IGF1R: variants seen among roughly 807,000 people sequenced by gnomAD.
IGF1R encodes the protein insulin like growth factor 1 receptor.
Under a neutral mutation model 144.6 loss-of-function variants are expected in IGF1R, and 44 were observed. The ratio of observed to expected loss-of-function variants is 0.30; its 90% CI spans 0.24 to 0.39. The LOEUF is 0.39. Among genes scored for constraint, IGF1R ranks in the 10% least tolerant of loss-of-function variants. The pLI is 1.00. For missense variants in IGF1R, 1,355 were observed against 1,833.7 expected (o/e 0.74, Z 4.77); for synonymous variants, 795 against 722.8 (o/e 1.10, Z -1.60).
rs1378245248 is a variant in IGF1R at position 98,935,452 on chromosome 15, G to A, written c.3297+26G>A. 1.6e-6 allele frequency: 2 copies of A among 1,281,808 alleles called. No homozygotes were observed. Among genetic ancestry groups the A allele is most frequent in the African/African-American group, 1.5e-5 (1 of 67,928 alleles). 79.4% of individuals were successfully genotyped at this position (1,281,808 alleles called of 1,614,324 possible). A position where few individuals can be genotyped will look rare whatever the true frequency, so the allele number is the denominator to read the frequency against. The stretch of plus-strand genomic sequence containing the variant: ...GTCAGTTTTCATTTCCACCGGTATT[G>A]CATGTTGCCTGGCCTGCTCTCTTTT... On this transcript the variant is annotated intron_variant, in intron 17 of 20. Coordinates refer to ENST00000650285, the MANE Select transcript of IGF1R (RefSeq NM_000875.5). The surrounding 1 kb of genome is among the most constrained non-coding windows in gnomAD (Gnocchi z 4.2).
rs553412154 is a variant in IGF1R, at chr15:98,800,536, G to A, written c.641-90789G>A. On this transcript the variant is annotated intron_variant, in intron 2 of 20. Transcript: ENST00000650285. The stretch of plus-strand genomic sequence containing the variant: ...TAAAATGTCAGGGAGTGAAAGATAC[G>A]GAGTGTGACTCAGCAGATGGGAATT... 5.9e-5 allele frequency among the ~76,000 whole-genome samples: 9 copies of A among 152,182 alleles called. No individual in the cohort carries two copies. In the East Asian group the frequency reaches 1.5e-3, roughly 26 times the overall value.
intron 2 of IGF1R, among the ~76,000 whole-genome samples, chr15:98,781,729 G>A (rs1057278142): frequency 6.6e-6 from 1 of 152,118 alleles, no homozygotes; most frequent in African/African-American, 2.4e-5. Context: ...ATTTGCATAT[G>A]CATGTCACAT....
At chr15:98,811,655 G>A (rs1360265905) in intron 2 of IGF1R, among the ~76,000 whole-genome samples, 3 of 151,862 alleles carry the variant, frequency 2.0e-5, no homozygotes, top group African/African-American at 7.3e-5. Context: ...AGCTGGGCGT[G>A]GTGGCTGACG....
At chr15:98,732,972 G>A (rs2054527208) in intron 2 of IGF1R, among the ~76,000 whole-genome samples, 1 of 152,148 alleles carries the variant, frequency 6.6e-6, no homozygotes, top group African/African-American at 2.4e-5. Flanking sequence ...GTTATAGGGA[G>A]TTAAAAGAAA....
rs1596502355 is a variant in IGF1R, at chr15:98,962,829, G to A, written c.*5387G>A. 8.6e-6 allele frequency: 2 copies of A among 233,744 alleles called. No individual in the cohort carries two copies. The highest frequency in any genetic ancestry group is 1.2e-4 in the East Asian group (2 of 16,600). 14.5% of individuals were successfully genotyped at this position (233,744 alleles called of 1,614,324 possible). On this transcript the variant is annotated 3_prime_UTR_variant, in exon 21 of 21. Coordinates refer to ENST00000650285, the MANE Select transcript of IGF1R (RefSeq NM_000875.5). ...AACCTAACATCCTACTCTGGAAACTGATCTCGGAGTTAAGGCGAATTGTTC... is the reference window on the plus strand; with the variant it reads ...AACCTAACATCCTACTCTGGAAACTAATCTCGGAGTTAAGGCGAATTGTTC...
intron 2 of IGF1R, among the ~76,000 whole-genome samples, chr15:98,825,636 C>T (rs1207671618): frequency 1.1e-4 from 16 of 152,176 alleles, no homozygotes; most frequent in Non-Finnish European, 1.5e-5. Flanking sequence ...CCCTCTCCCC[C>T]ACCCATCTGT....
chr15:98,702,736 C>T (rs997117694), intron 1 of IGF1R, among the ~76,000 whole-genome samples: 4 of 151,910 alleles, frequency 2.6e-5, no homozygotes, highest in African/African-American at 9.7e-5. Flanking sequence ...TGGAGACCAA[C>T]CTGGGCAACA....
Position 98,957,618 on chromosome 15 carries a change from TC to T in IGF1R, c.*178del, listed in dbSNP as rs1222378163. ...CTGCAGTAAAACACATTTGGGATGT[TC>T]CTTTTTTCAATATGCAAGCAGCTTT... On this transcript the variant is annotated 3_prime_UTR_variant, in exon 21 of 21. Coordinates refer to ENST00000650285, the MANE Select transcript of IGF1R (RefSeq NM_000875.5). 2 of 739,254 alleles carry T rather than the reference TC, an allele frequency of 2.7e-6. No homozygotes were observed. The highest frequency in any genetic ancestry group is 3.5e-5 in the African/African-American group (2 of 56,826). The allele number at this position is 739,254 out of a possible 1,614,324, so 45.8% of individuals were successfully genotyped here. A position where few individuals can be genotyped will look rare whatever the true frequency, so the allele number is the denominator to read the frequency against.
chr15:98,670,165 A>T (rs2052852033), intron 1 of IGF1R, among the ~76,000 whole-genome samples: 1 of 152,184 alleles, frequency 6.6e-6, no homozygotes, highest in Non-Finnish European at 1.5e-5. Context: ...TGAGAAGATA[A>T]GGTGTGCCCA....
chr15:98,678,406 C>T (rs759086620), intron 1 of IGF1R, among the ~76,000 whole-genome samples: 44 of 151,504 alleles, frequency 2.9e-4, no homozygotes, highest in Non-Finnish European at 6.0e-4. Flanking sequence ...TCCTTTTTAC[C>T]TTCTCTGTAA....
At chr15:98,926,898 C>T (rs1227250209) in intron 13 of IGF1R, among the ~76,000 whole-genome samples, 1 of 152,194 alleles carries the variant, frequency 6.6e-6, no homozygotes, top group African/African-American at 2.4e-5. Flanking sequence ...TCATAATATT[C>T]CTGCAGCCTT....
At chr15:98,874,401 T>C (rs991744933) in intron 2 of IGF1R, among the ~76,000 whole-genome samples, 4 of 152,194 alleles carry the variant, frequency 2.6e-5, no homozygotes, top group African/African-American at 7.2e-5. Flanking sequence ...AGTTTCAGAA[T>C]TGGAAATTGG....
intron 2 of IGF1R, among the ~76,000 whole-genome samples, chr15:98,824,918 C>A (rs1038707008): frequency 6.6e-6 from 1 of 151,886 alleles, no homozygotes; most frequent in African/African-American, 2.4e-5. Flanking sequence ...CTCACTGCAA[C>A]CTCTGCCTTC....
At chr15:98,705,590 T>G (rs1006964094) in intron 1 of IGF1R, among the ~76,000 whole-genome samples, 1 of 152,172 alleles carries the variant, frequency 6.6e-6, no homozygotes, top group Non-Finnish European at 1.5e-5. Flanking sequence ...ATATGAAGTT[T>G]CACATTCTAA....
chr15:98,871,500 C>A (rs2012782496), intron 2 of IGF1R, among the ~76,000 whole-genome samples: 1 of 152,226 alleles, frequency 6.6e-6, no homozygotes, highest in South Asian at 2.1e-4. Context: ...AGAGAGTTTT[C>A]ATCTAATCTG....
intron 2 of IGF1R, among the ~76,000 whole-genome samples, chr15:98,851,258 G>T (rs1004011828): frequency 3.9e-5 from 6 of 152,202 alleles, no homozygotes; most frequent in African/African-American, 1.4e-4. Flanking sequence ...GCAGGGCCGG[G>T]GTGGGGCCAG....
At chr15:98,760,204 A>C (rs779692990) in intron 2 of IGF1R, among the ~76,000 whole-genome samples, 1 of 151,820 alleles carries the variant, frequency 6.6e-6, no homozygotes, top group Non-Finnish European at 1.5e-5. Context: ...TGCAAAAACT[A>C]GCTGGGCATG....
At chr15:98,894,519 TTGGA>T (rs2014081704) in intron 3 of IGF1R, among the ~76,000 whole-genome samples, 1 of 152,212 alleles carries the variant, frequency 6.6e-6, no homozygotes, top group Non-Finnish European at 1.5e-5. Context: ...AGTACACTAC[TTGGA>T]TGGATCTCAA....
chr15:98,797,918 CT>C (rs1411612219), intron 2 of IGF1R, among the ~76,000 whole-genome samples: 1 of 152,180 alleles, frequency 6.6e-6, no homozygotes, highest in African/African-American at 2.4e-5. Context: ...AAGTTGGATT[CT>C]CATAGAAGGC....
Sources: gnomAD v4.1 joint callset for allele counts (sites outside exome capture counted in the v4.1 genomes callset) on GRCh38, gnomAD v4.1.1 for gene constraint, Gnocchi (gnomAD v3.1) non-coding constraint, MANE v1.5 for transcripts, NCBI Gene and HGNC (gene_info 2026-07-23, HGNC 2026-07-21) for gene names.